Variants in PLOD3 observed in about 807,000 individuals in gnomAD.
The protein encoded by PLOD3 is multifunctional procollagen lysine hydroxylase and glycosyltransferase LH3.
In PLOD3, 73 loss-of-function variants were observed where a neutral mutation model predicts 96.9. The ratio of observed to expected loss-of-function variants is 0.75; its 90% confidence interval spans 0.62 to 0.92. The LOEUF (loss-of-function observed/expected upper bound fraction) is 0.92, where lower values mean the gene tolerates loss of function less well. Among genes scored for constraint, PLOD3 ranks in the 40% least tolerant of loss-of-function variants. The pLI is 0.00. For missense variants in PLOD3, 1,004 were observed against 1,004.3 expected (o/e 1.00, Z 0.00); for synonymous variants, 454 against 413.7 (o/e 1.10, Z -1.18).
At chr7:101,213,029 G>A in intron 7 of PLOD3, 78 bp downstream of exon 7, 4 of 1,386,862 alleles carry the variant, frequency 2.9e-6, no homozygotes, top group South Asian at 1.2e-5. Flanking sequence ...GGGCTGGGAA[G>A]GGCCAGCTTC....
chr7:101,217,118 C>A, intron 1 of PLOD3, 48 bp downstream of exon 1: 1 of 1,435,506 alleles, frequency 7.0e-7, no homozygotes, highest in Non-Finnish European at 9.1e-7. Context: ...CTGGCAGGCA[C>A]GCCAGCCTCT....
Position 101,210,082 on chromosome 7 carries a change from C to T in PLOD3, c.1683+11G>A, listed in dbSNP as rs772147657. On this transcript the variant is annotated intron_variant, in intron 15 of 18. Transcript: ENST00000223127. ...GGGCAGGGGGTGGGTGGGGAGGCTG[C>T]GTGGGCTCACCTGCTCCACGATTCC... 5.0e-5 allele frequency: 79 copies of T among 1,570,334 alleles called. No individual in the cohort carries two copies. Among genetic ancestry groups the T allele is most frequent in the Middle Eastern group, 1.7e-4 (1 of 5,852 alleles).
intron 12 of PLOD3, 81 bp downstream of exon 12, chr7:101,211,509 CA>C: frequency 2.1e-6 from 3 of 1,462,022 alleles, no homozygotes; most frequent in Non-Finnish European, 2.8e-6. Context: ...GTGACCACTC[CA>C]AACCCCTGAG....
intron 6 of PLOD3, among the ~76,000 whole-genome samples, chr7:101,213,774 T>C (rs1257900878): frequency 1.3e-5 from 2 of 151,726 alleles, no homozygotes. Flanking sequence ...TCTTGGCTCA[T>C]TGCAACTTCC....
rs1766653334 is a variant in PLOD3, at chr7:101,212,649, G to C, written c.886C>G (p.Pro296Ala). 1.2e-6 allele frequency: 2 copies of C among 1,613,772 alleles called. No homozygotes were observed. Among genetic ancestry groups the C allele is most frequent in the Non-Finnish European group, 1.7e-6 (2 of 1,179,940 alleles). The change falls in exon 9 of 19, where the codon CCC becomes GCC. Residue 296 changes from proline (P) to alanine (A), a missense_variant. By Grantham distance (27) the Pro-to-Ala change is conservative (BLOSUM62 -1). This residue lies in a region of PLOD3 where 690 missense variants were observed against 650.2 expected (regional missense o/e 1.06). Transcript: ENST00000223127. ...ACAAACACGGCCAGAAACACCCGGGGGGGAGGCTGGAAGATGCAACACGCA... is the reference window on the plus strand; with the variant it reads ...ACAAACACGGCCAGAAACACCCGGGCGGGAGGCTGGAAGATGCAACACGCA... ...RRTLPGGQPP[P>A]RVFLAVFVEQ... is the part of the protein sequence containing the mutation.
intron 8 of PLOD3, 85 bp downstream of exon 8, chr7:101,212,757 C>T: frequency 6.4e-7 from 1 of 1,567,400 alleles, no homozygotes; most frequent in Non-Finnish European, 8.7e-7. Context: ...GGAGCGATGC[C>T]CCCACCGCCC....
intron 12 of PLOD3, 95 bp downstream of exon 12, chr7:101,211,496 C>T (rs1269891596): frequency 4.5e-6 from 6 of 1,337,116 alleles, no homozygotes; most frequent in African/African-American, 1.4e-5. Flanking sequence ...GCACCTCTGA[C>T]TGGTGACCAC....
At chr7:101,210,718 A>C (rs1358549789) in intron 12 of PLOD3, 45 bp from the exon 13 acceptor site, 5 of 1,609,876 alleles carry the variant, frequency 3.1e-6, no homozygotes, top group Non-Finnish European at 4.2e-6. Context: ...CAGCCCCCCA[A>C]ATTCTGCCCA....
At chr7:101,215,303 T>A (rs1798250351) in intron 5 of PLOD3, 151 bp from the exon 6 acceptor site, 1 of 720,114 alleles carries the variant, frequency 1.4e-6, no homozygotes, top group Non-Finnish European at 2.6e-6. Flanking sequence ...AACCTCTGCC[T>A]CCCGGTTTAA....
At position 101,206,890 on chromosome 7, in the gene PLOD3, C is replaced by T; in HGVS notation, c.1950G>A (p.Met650Ile). Residue 650 changes from methionine (M) to isoleucine (I), a missense_variant, in exon 18 of 19, where the codon ATG becomes ATA. Physicochemically the swap from Met to Ile is conservative, Grantham distance 10. Around this residue, in one of 5 missense-constraint regions of PLOD3, gnomAD observed 222 missense variants for 220.4 expected, o/e 1.01. Transcript: ENST00000223127. The stretch of plus-strand genomic sequence containing the variant: ...CTGGCCGGTAGCGAACCACAAAGTT[C>T]ATCACCGCCCGCGCCTGGGGGAGAG... ...PGYHTKARAVMNFVVRYRPDE... is the reference protein window; with the variant it reads ...PGYHTKARAVINFVVRYRPDE... 6.4e-7 allele frequency: 1 copy of T among 1,558,148 alleles called. No individual in the cohort carries two copies. The highest frequency in any genetic ancestry group is 8.7e-7 in the Non-Finnish European group (1 of 1,150,440).
In PLOD3 at chr7:101,212,852, G is replaced by A. The variant is rs749241534; in HGVS notation, c.869C>T (p.Pro290Leu). The change falls in exon 8 of 19, where the codon CCG (proline) becomes CTG (leucine). Residue 290 changes from proline (P) to leucine (L), a missense_variant. Pro to Leu is a moderately conservative substitution (Grantham distance 98, BLOSUM62 -3). This residue lies in a region of PLOD3 where 690 missense variants were observed against 650.2 expected (regional missense o/e 1.06). Transcript: ENST00000223127. ...GFCNQDRRTL[P>L]GGQPPPRVFL... is the part of the protein sequence containing the mutation. ...GCACCCCCACCTCACCTGCCCCCCC[G>A]GGAGTGTCCTCCGGTCCTGGTTGCA... 1.1e-5 allele frequency: 17 copies of A among 1,611,032 alleles called. No individual in the cohort carries two copies. The highest frequency in any genetic ancestry group is 2.2e-5 in the East Asian group (1 of 44,844).
rs368596498 is a variant in PLOD3 at position 101,210,334 on chromosome 7, G to A, written c.1611C>T (p.Pro537=). Residue 537 remains proline (P), a synonymous_variant, in exon 14 of 19, where the codon CCC becomes CCT. Coordinates refer to ENST00000223127, the MANE Select transcript of PLOD3 (RefSeq NM_001084.5). ...TGGGCGTGGGGTCCCCACTCACGACGGGGTTGTCGAAGATCTGCCAGAGGT... is the reference window on the plus strand; with the variant it reads ...TGGGCGTGGGGTCCCCACTCACGACAGGGTTGTCGAAGATCTGCCAGAGGT... The part of the protein sequence containing the change: ...HPDLWQIFDN[P]VDWKEQYIHE... The A allele has an allele frequency of 2.0e-5, 32 of 1,613,012 alleles. No homozygotes were observed. The highest frequency in any genetic ancestry group is 7.7e-5 in the South Asian group (7 of 91,050).
intron 14 of PLOD3, 49 bp from the exon 15 acceptor site, chr7:101,210,210 G>T: frequency 6.6e-7 from 1 of 1,509,820 alleles, no homozygotes; most frequent in Non-Finnish European, 9.1e-7. Flanking sequence ...CTCGCTCCCA[G>T]CCCCCAGGGG....
chr7:101,210,378 TG>T lies in PLOD3; in HGVS notation c.1566del (p.Asp522GlufsTer93). On this transcript the variant is annotated frameshift_variant, in exon 14 of 19. Coordinates refer to ENST00000223127, the MANE Select transcript of PLOD3 (RefSeq NM_001084.5). LOFTEE classifies it high-confidence loss of function. Reference sequence around the variant, plus strand: ...CAGAGGTCGGGGTGCAGGTGCTCCGTGTCGTATCTGGAAGTGGCCAGGAGCC... The same window carrying T: ...CAGAGGTCGGGGTGCAGGTGCTCCGTTCGTATCTGGAAGTGGCCAGGAGCC... ...FGRLLATSRYDTEHLHPDLWQ... is the reference protein window; with the variant it reads ...FGRLLATSRYXTEHLHPDLWQ... 6.2e-7 allele frequency: 1 copy of T among 1,614,116 alleles called. No individual in the cohort carries two copies. Among genetic ancestry groups the T allele is most frequent in the Non-Finnish European group, 8.5e-7 (1 of 1,180,000 alleles).
chr7:101,216,176 G>A lies in PLOD3; in HGVS notation c.489C>T (p.Phe163=). 1.1e-5 allele frequency: 18 copies of A among 1,613,996 alleles called. No homozygotes were observed. Among genetic ancestry groups the A allele is most frequent in the Non-Finnish European group, 1.5e-5 (18 of 1,180,012 alleles). The change falls in exon 4 of 19, where the codon TTC becomes TTT. Residue 163 remains phenylalanine, a synonymous_variant. Transcript: ENST00000223127. ...QYPEVGTGKR[F]LNSGGFIGFA... The stretch of plus-strand genomic sequence containing the variant: ...TCTGCCACTCACCACCAGAATTGAG[G>A]AAGCGCTTCCCCGTGCCCACCTCAG...
intron 6 of PLOD3, among the ~76,000 whole-genome samples, chr7:101,214,184 T>A (rs1798231935): frequency 1.3e-5 from 2 of 151,596 alleles, no homozygotes; most frequent in African/African-American, 4.9e-5. Context: ...AGGAGTGCAG[T>A]GGCGCAATCT....
chr7:101,206,701 G>T, intron 18 of PLOD3, 78 bp downstream of exon 18: 2 of 1,465,932 alleles, frequency 1.4e-6, no homozygotes, highest in Non-Finnish European at 9.3e-7. Context: ...GGGAGCTGGG[G>T]GATGCACGCA....
chr7:101,213,004 G>A (rs1798211139), intron 7 of PLOD3, 61 bp from the exon 8 acceptor site: 3 of 1,363,084 alleles, frequency 2.2e-6, no homozygotes, highest in South Asian at 2.3e-5. Flanking sequence ...TGGGGGTCAG[G>A]CACCTCTGAT....
chr7:101,212,662 G>T lies in PLOD3; in HGVS notation c.880-7C>A, dbSNP rs1332034464. The T allele has an allele frequency of 6.2e-7, 1 of 1,613,622 alleles. No homozygotes were observed. The highest frequency in any genetic ancestry group is 1.1e-5 in the South Asian group (1 of 91,052). On this transcript the variant is annotated splice_region_variant and splice_polypyrimidine_tract_variant and intron_variant, in intron 8 of 18. Transcript: ENST00000223127. The stretch of plus-strand genomic sequence containing the variant: ...GAAACACCCGGGGGGGAGGCTGGAA[G>T]ATGCAACACGCAGGGACTCAGAGAG...
Sources: gnomAD v4.1 joint callset for allele counts (sites outside exome capture counted in the v4.1 genomes callset) on GRCh38, gnomAD v4.1.1 for gene constraint, gnomAD v4.1.1 regional missense constraint, MANE v1.5 for transcripts, NCBI Gene and HGNC (gene_info 2026-07-23, HGNC 2026-07-21) for gene names.